The following CFAP299 variants were observed in gnomAD, a reference collection of about 807,000 sequenced individuals.
CFAP299 encodes cilia- and flagella-associated protein 299.
In CFAP299, 21 loss-of-function variants were observed where a neutral mutation model predicts 27.0. The ratio of observed to expected loss-of-function variants is 0.78; its 90% CI spans 0.55 to 1.12. The LOEUF (loss-of-function observed/expected upper bound fraction) is 1.12. Ranked by LOEUF, CFAP299 falls within the 50% of genes most tolerant of loss-of-function variation. The pLI is 0.00. For missense variants in CFAP299, 310 were observed against 276.6 expected (o/e 1.12, Z -0.86); for synonymous variants, 104 against 98.1 (o/e 1.06, Z -0.36).
intron 3 of CFAP299, among the ~76,000 whole-genome samples, chr4:80,711,453 T>C (rs1216083975): frequency 2.0e-5 from 3 of 152,186 alleles, no homozygotes; most frequent in African/African-American, 4.8e-5. Context: ...GAGTGTTCAT[T>C]CAGCTATCTG....
intron 3 of CFAP299, among the ~76,000 whole-genome samples, chr4:80,842,295 G>A (rs558111795): frequency 9.1e-4 from 138 of 152,224 alleles, no homozygotes; most frequent in African/African-American, 3.2e-3. Flanking sequence ...TCATGGTTGA[G>A]ACCTCTTTCT....
chr4:80,612,340 A>G (rs1419403897), intron 3 of CFAP299, among the ~76,000 whole-genome samples: 3 of 152,092 alleles, frequency 2.0e-5, no homozygotes, highest in African/African-American at 7.2e-5. Context: ...TAAACTAAAA[A>G]AAATTATCTC....
chr4:80,493,952 T>G (rs1167323026), intron 2 of CFAP299, among the ~76,000 whole-genome samples: 1 of 151,570 alleles, frequency 6.6e-6, no homozygotes, highest in Non-Finnish European at 1.5e-5. Flanking sequence ...ATTTTTTGTA[T>G]TTTTAGTAGA....
At chr4:80,479,681 A>G (rs1730457806) in intron 2 of CFAP299, among the ~76,000 whole-genome samples, 1 of 152,034 alleles carries the variant, frequency 6.6e-6, no homozygotes, top group African/African-American at 2.4e-5. Context: ...TGAAAAATCC[A>G]TTAATTGGAT....
intron 3 of CFAP299, among the ~76,000 whole-genome samples, chr4:80,685,301 C>A (rs1033045936): frequency 6.6e-6 from 1 of 152,002 alleles, no homozygotes; most frequent in Non-Finnish European, 1.5e-5. Flanking sequence ...GCTTTGAGAT[C>A]TCTGAGGGAA....
intron 3 of CFAP299, among the ~76,000 whole-genome samples, chr4:80,686,461 GT>G (rs1720204068): frequency 6.6e-6 from 1 of 152,154 alleles, no homozygotes; most frequent in Non-Finnish European, 1.5e-5. Flanking sequence ...TGTTGCAAGT[GT>G]TACTCTCTGA....
chr4:80,849,055 T>G (rs1239437339), intron 3 of CFAP299, among the ~76,000 whole-genome samples: 2 of 152,212 alleles, frequency 1.3e-5, no homozygotes, highest in Non-Finnish European at 2.9e-5. Context: ...TTTATGAAAT[T>G]TCAAATTTTT....
intron 2 of CFAP299, among the ~76,000 whole-genome samples, chr4:80,414,110 G>A (rs1235941060): frequency 1.6e-5 from 2 of 127,942 alleles, no homozygotes; most frequent in Admixed American, 9.5e-5. Flanking sequence ...TCGCTCTGTC[G>A]CCCAGGCTGG....
chr4:80,934,292 G>T (rs2110221330), intron 4 of CFAP299, among the ~76,000 whole-genome samples: 1 of 152,112 alleles, frequency 6.6e-6, no homozygotes, highest in East Asian at 1.9e-4. Flanking sequence ...ATAATCTTTA[G>T]ATATACCATT....
chr4:80,777,821 G>T (rs1005121628), intron 3 of CFAP299, among the ~76,000 whole-genome samples: 2 of 152,090 alleles, frequency 1.3e-5, no homozygotes, highest in Non-Finnish European at 2.9e-5. Context: ...CAACATTTAT[G>T]ATTTCCTTTA....
intron 3 of CFAP299, among the ~76,000 whole-genome samples, chr4:80,714,571 A>G (rs1025507430): frequency 1.3e-5 from 2 of 152,162 alleles, no homozygotes; most frequent in African/African-American, 4.8e-5. Context: ...GAATGCCAAC[A>G]AATCAAATTT....
chr4:80,403,368 C>G (rs532633219), intron 2 of CFAP299, among the ~76,000 whole-genome samples: 32 of 152,278 alleles, frequency 2.1e-4, no homozygotes, highest in African/African-American at 7.7e-4. Flanking sequence ...TAGGAAATAA[C>G]TTATTTGTGG....
At chr4:80,841,011 C>CACTCAGGA (rs1327274500) in intron 3 of CFAP299, among the ~76,000 whole-genome samples, 1 of 152,056 alleles carries the variant, frequency 6.6e-6, no homozygotes, top group Non-Finnish European at 1.5e-5. Context: ...ACCAAACTGC[C>CACTCAGGA]ACTCAGGACA....
chr4:80,604,827 G>A (rs190622929), intron 3 of CFAP299, among the ~76,000 whole-genome samples: 10 of 151,352 alleles, frequency 6.6e-5, no homozygotes, highest in African/African-American at 1.5e-4. Flanking sequence ...CATCAGAAAC[G>A]CAGGATGGAT....
chr4:80,583,230 CAATT>C, intron 3 of CFAP299, 47 bp downstream of exon 3: 1 of 1,058,668 alleles, frequency 9.4e-7, no homozygotes, highest in Non-Finnish European at 1.4e-6. Context: ...ACTAAATGCA[CAATT>C]AATATTAAAA....
chr4:80,613,176 G>A (rs1311521735), intron 3 of CFAP299, among the ~76,000 whole-genome samples: 1 of 152,102 alleles, frequency 6.6e-6, no homozygotes, highest in Non-Finnish European at 1.5e-5. Context: ...TCTTAACTCA[G>A]TGGTAAATGT....
chr4:80,951,218 CAT>C (rs1477700418), intron 5 of CFAP299, among the ~76,000 whole-genome samples: 2 of 152,040 alleles, frequency 1.3e-5, no homozygotes, highest in Non-Finnish European at 2.9e-5. Context: ...AACTAAAAGA[CAT>C]GTGAAAAGAT....
intron 2 of CFAP299, among the ~76,000 whole-genome samples, chr4:80,463,023 A>G (rs1390350279): frequency 1.3e-5 from 2 of 152,196 alleles, no homozygotes; most frequent in Admixed American, 1.3e-4. Context: ...TAGAATGAGA[A>G]CTATGAACAT....
intron 2 of CFAP299, among the ~76,000 whole-genome samples, chr4:80,556,878 C>T (rs545037271): frequency 2.0e-5 from 3 of 152,106 alleles, no homozygotes; most frequent in South Asian, 2.1e-4. Flanking sequence ...CATTTTCTCC[C>T]TGCAGTTCAC....
Sources: gnomAD v4.1 joint callset for allele counts (sites outside exome capture counted in the v4.1 genomes callset) on GRCh38, gnomAD v4.1.1 for gene constraint, MANE v1.5 for transcripts, NCBI Gene and HGNC (gene_info 2026-07-23, HGNC 2026-07-21) for gene names.